SMAD1: variants seen among roughly 807,000 people sequenced by gnomAD.
SMAD1 encodes the protein MAD, mothers against decapentaplegic homolog 1.
Under a neutral mutation model 41.6 loss-of-function variants are expected in SMAD1, and 6 were observed. That is an observed-to-expected ratio of 0.14 (90% CI 0.08 to 0.28). The LOEUF (loss-of-function observed/expected upper bound fraction) is 0.28, where lower values mean the gene tolerates loss of function less well. Among genes scored for constraint, SMAD1 ranks in the 10% least tolerant of loss-of-function variants. The probability of loss-of-function intolerance (pLI) is 1.00; values close to 1 mark genes in which losing one functional copy is unlikely to be tolerated. For missense variants in SMAD1, 379 were observed against 582.6 expected (o/e 0.65, Z 3.60); for synonymous variants, 206 against 203.2 (o/e 1.01, Z -0.12).
At chr4:145,511,435 A>G (rs1168892449) in intron 1 of SMAD1, among the ~76,000 whole-genome samples, 2 of 152,052 alleles carry the variant, frequency 1.3e-5, no homozygotes, top group Admixed American at 1.3e-4. Context: ...ACCTTGCTGG[A>G]CTACTTTTTT....
At chr4:145,495,116 G>A (rs114012317) in intron 1 of SMAD1, among the ~76,000 whole-genome samples, 4,010 of 152,220 alleles carry the variant, frequency 0.026, 186 homozygotes, top group African/African-American at 0.091. Context: ...TGGTTGTCAC[G>A]AATTGGAGGG....
At chr4:145,530,118 G>T (rs992863434) in intron 2 of SMAD1, among the ~76,000 whole-genome samples, 1 of 152,188 alleles carries the variant, frequency 6.6e-6, no homozygotes, top group East Asian at 1.9e-4. Flanking sequence ...AAGAAAATCA[G>T]TTCTACCCAC....
At chr4:145,510,454 A>G (rs1418650335) in intron 1 of SMAD1, among the ~76,000 whole-genome samples, 1 of 152,116 alleles carries the variant, frequency 6.6e-6, no homozygotes, top group East Asian at 1.9e-4. Flanking sequence ...TATTTTTACA[A>G]TCATTCAGTT....
chr4:145,540,735 A>C (rs1406828261), intron 3 of SMAD1, among the ~76,000 whole-genome samples: 2 of 138,100 alleles, frequency 1.4e-5, no homozygotes, highest in Middle Eastern at 3.9e-3. Flanking sequence ...AAGCATCTCC[A>C]AAAAAAAAAA....
chr4:145,512,792 G>A (rs566051917), intron 1 of SMAD1, among the ~76,000 whole-genome samples: 1 of 152,288 alleles, frequency 6.6e-6, no homozygotes, highest in Non-Finnish European at 1.5e-5. Context: ...TGCATACACT[G>A]TGAATTTAAA....
intron 2 of SMAD1, chr4:145,517,144 T>G (rs1730453208): frequency 6.6e-6 from 1 of 152,250 alleles, no homozygotes; most frequent in South Asian, 2.1e-4. Flanking sequence ...TCCCTACTCT[T>G]GAGAAGTCCT....
chr4:145,551,925 C>T (rs937599014), intron 5 of SMAD1, among the ~76,000 whole-genome samples: 1 of 152,202 alleles, frequency 6.6e-6, no homozygotes, highest in Non-Finnish European at 1.5e-5. Context: ...AGACATTTAT[C>T]ATGGCATTAA....
At chr4:145,480,967 A>T (rs1057407796), upstream of SMAD1, among the ~76,000 whole-genome samples, 1 of 151,588 alleles carries the variant, frequency 6.6e-6, no homozygotes, top group African/African-American at 2.4e-5. Flanking sequence ...CTCAAAAAAA[A>T]ATCATTTTTT....
At chr4:145,509,591 TGAA>T (rs909070659) in intron 1 of SMAD1, among the ~76,000 whole-genome samples, 1 of 152,174 alleles carries the variant, frequency 6.6e-6, no homozygotes, top group Non-Finnish European at 1.5e-5. Flanking sequence ...AAGCTGTTTT[TGAA>T]GAAGAGATGG....
At position 145,557,898 on chromosome 4, in the gene SMAD1, G is replaced by A; in HGVS notation, c.1362G>A (p.Met454Ile). ...LQWLDKVLTQMGSPHNPISSV... is the reference protein window; with the variant it reads ...LQWLDKVLTQIGSPHNPISSV... ...GGCTGGATAAAGTTCTTACTCAAAT[G>A]GGTTCACCTCATAATCCTATTTCAT... Residue 454 changes from methionine to isoleucine, a missense_variant, in exon 7 of 7, where the codon ATG becomes ATA. Coordinates refer to ENST00000302085, the MANE Select transcript of SMAD1 (RefSeq NM_005900.3). 1 of 1,611,920 alleles carries A rather than the reference G, an allele frequency of 6.2e-7. No homozygotes were observed. The highest frequency in any genetic ancestry group is 1.1e-5 in the South Asian group (1 of 90,682).
intron 1 of SMAD1, among the ~76,000 whole-genome samples, chr4:145,495,875 G>T (rs1181089864): frequency 2.0e-5 from 3 of 150,806 alleles, no homozygotes; most frequent in African/African-American, 7.4e-5. Flanking sequence ...CTTCCAAAGT[G>T]CTGGGATTAC....
intron 5 of SMAD1, among the ~76,000 whole-genome samples, chr4:145,548,869 A>T (rs917682622): frequency 2.0e-5 from 3 of 152,218 alleles, no homozygotes; most frequent in African/African-American, 7.2e-5. Flanking sequence ...TGTATAATTG[A>T]TGCCCTGTTT....
At chr4:145,501,223 C>G (rs1729419248) in intron 1 of SMAD1, among the ~76,000 whole-genome samples, 1 of 152,162 alleles carries the variant, frequency 6.6e-6, no homozygotes, top group Non-Finnish European at 1.5e-5. Context: ...TTTTATTTCT[C>G]TCACCTGTGG....
chr4:145,552,940 T>C (rs1042895345), intron 5 of SMAD1, among the ~76,000 whole-genome samples: 4 of 152,146 alleles, frequency 2.6e-5, no homozygotes, highest in Non-Finnish European at 5.9e-5. Flanking sequence ...GGTCTCACTC[T>C]GTCACCCAGT....
At chr4:145,544,288 T>C (rs1479987954) in intron 4 of SMAD1, 2 of 152,264 alleles carry the variant, frequency 1.3e-5, no homozygotes, top group East Asian at 1.9e-4. Context: ...ATTTAAAAAC[T>C]GGTGATGAAG....
intron 2 of SMAD1, among the ~76,000 whole-genome samples, chr4:145,536,849 G>A (rs960099558): frequency 2.0e-5 from 3 of 151,892 alleles, no homozygotes; most frequent in Non-Finnish European, 4.4e-5. Context: ...CAAGTGATCA[G>A]GATTAAACCT....
chr4:145,538,456 G>C (rs979262159), intron 2 of SMAD1, among the ~76,000 whole-genome samples: 1 of 152,158 alleles, frequency 6.6e-6, no homozygotes. Flanking sequence ...TTATGTAGGA[G>C]TATAAAATAT....
chr4:145,497,588 G>A (rs147424403), intron 1 of SMAD1: 8 of 152,302 alleles, frequency 5.3e-5, no homozygotes, highest in Admixed American at 1.3e-4. Flanking sequence ...GTAGCTGAGC[G>A]TGTAAAGGAG....
intron 5 of SMAD1, among the ~76,000 whole-genome samples, chr4:145,548,726 A>G (rs998033375): frequency 1.3e-5 from 2 of 152,212 alleles, no homozygotes; most frequent in African/African-American, 4.8e-5. Flanking sequence ...ATATAAAGAA[A>G]ATGTTTATGA....
Sources: gnomAD v4.1 joint callset for allele counts (sites outside exome capture counted in the v4.1 genomes callset) on GRCh38, gnomAD v4.1.1 for gene constraint, MANE v1.5 for transcripts, NCBI Gene and HGNC (gene_info 2026-07-23, HGNC 2026-07-21) for gene names.